MMP21: variants seen among roughly 807,000 people sequenced by gnomAD.
MMP21 encodes matrix metalloproteinase-21.
In MMP21, 40 loss-of-function variants were observed where a neutral mutation model predicts 47.8. The ratio of observed to expected loss-of-function variants is 0.84; its 90% CI spans 0.65 to 1.09. MMP21 has a LOEUF of 1.09. MMP21 is among the 50% of genes least tolerant of loss of function. The pLI is 0.00. For synonymous variants in MMP21, 341 were observed against 318.0 expected (o/e 1.07, Z -0.77); for missense variants, 747 against 775.3 (o/e 0.96, Z 0.43).
chr10:125,774,648 G>A (rs1486791590), intron 1 of MMP21, among the ~76,000 whole-genome samples: 2 of 152,196 alleles, frequency 1.3e-5, no homozygotes, highest in Admixed American at 6.5e-5. Flanking sequence ...GCCCTGGATG[G>A]GCACCAGGCT....
rs544512717 is a variant in MMP21 at position 125,766,483 on chromosome 10, G to C, written c.*179C>G. On this transcript the variant is annotated 3_prime_UTR_variant, in exon 7 of 7. Coordinates refer to ENST00000368808, the MANE Select transcript of MMP21 (RefSeq NM_147191.1). ...TTAAACCTTTTAGTTTATGAATTAT[G>C]TTTTGCCTGAGCAATTGTTTTTAAA... is the stretch of plus-strand genomic sequence containing the variant. 1.8e-6 allele frequency: 1 copy of C among 545,604 alleles called. No homozygotes were observed. The highest frequency in any genetic ancestry group is 3.7e-5 in the Admixed American group (1 of 26,854). 33.8% of individuals were successfully genotyped at this position (545,604 alleles called of 1,614,324 possible).
rs970463089 is a variant in MMP21, at chr10:125,772,682, C to T, written c.766G>A (p.Gly256Ser). Residue 256 changes from glycine to serine, a missense_variant, in exon 3 of 7, where the codon GGT (glycine) becomes AGT (serine). By Grantham distance (56) the Gly-to-Ser change is moderately conservative. Coordinates refer to ENST00000368808, the MANE Select transcript of MMP21 (RefSeq NM_147191.1). The surrounding 1 kb of genome is among the most constrained non-coding windows in gnomAD (Gnocchi z 5.6). ...TCGTCGTCGTCAAAGTGAATGTCACCTAGGCGCCAGGCGTGTGCAAACTCC... is the reference window on the plus strand; with the variant it reads ...TCGTCGTCGTCAAAGTGAATGTCACTTAGGCGCCAGGCGTGTGCAAACTCC... ...GQEFAHAWRL[G>S]DIHFDDDEHF... 5 of 1,614,086 alleles carry T rather than the reference C, an allele frequency of 3.1e-6. No homozygotes were observed. Among genetic ancestry groups the T allele is most frequent in the Non-Finnish European group, 2.5e-6 (3 of 1,180,036 alleles).
chr10:125,774,469 GAGAC>G, intron 1 of MMP21, 104 bp from the exon 2 acceptor site: 3 of 733,104 alleles, frequency 4.1e-6, no homozygotes, highest in Non-Finnish European at 5.7e-6. Flanking sequence ...GATAGAGACA[GAGAC>G]AGAGAGAAGC....
In MMP21 at chr10:125,766,615, A is replaced by G. The variant is rs28381327; in HGVS notation, c.*47T>C. On this transcript the variant is annotated 3_prime_UTR_variant, in exon 7 of 7. Coordinates refer to ENST00000368808, the MANE Select transcript of MMP21 (RefSeq NM_147191.1). ...TCCGGTTTTCTTTGTAAACAGTATC[A>G]GAATTTTAGCGAAGTCCTATGACCC... 6 of 1,470,620 alleles carry G rather than the reference A, an allele frequency of 4.1e-6. No homozygotes were observed. In the African/African-American group the frequency reaches 8.5e-5, roughly 21 times the overall value. The allele number at this position is 1,470,620 out of a possible 1,614,324, so 91.1% of individuals were successfully genotyped here.
chr10:125,770,789 G>A (rs546649904), intron 4 of MMP21, among the ~76,000 whole-genome samples, 198 bp from the exon 5 acceptor site: 1 of 151,610 alleles, frequency 6.6e-6, no homozygotes, highest in Admixed American at 6.6e-5. Context: ...GGGAGACCGA[G>A]ACAGGAGGAT....
In MMP21 at chr10:125,775,673, A is replaced by T; in HGVS notation, c.149T>A (p.Leu50His). 1 of 1,608,248 alleles carries T rather than the reference A, an allele frequency of 6.2e-7. No individual in the cohort carries two copies. The highest frequency in any genetic ancestry group is 8.5e-7 in the Non-Finnish European group (1 of 1,176,818). The change falls in exon 1 of 7, where the codon CTC becomes CAC. Residue 50 changes from leucine (L) to histidine (H), a missense_variant. Leu to His is a moderately conservative substitution (Grantham distance 99). Coordinates refer to ENST00000368808, the MANE Select transcript of MMP21 (RefSeq NM_147191.1). Reference sequence around the variant, plus strand: ...GCTTCCTCCTACCTGAGCAGCGTGGAGGTCGGCAATGGGCTTGGCCTGGCG... The same window carrying T: ...GCTTCCTCCTACCTGAGCAGCGTGGTGGTCGGCAATGGGCTTGGCCTGGCG... The part of the protein sequence containing the change: ...PLRQAKPIAD[L>H]HAAQRFLSRY...
In MMP21 at chr10:125,772,699, G is replaced by C. The variant is rs146859109; in HGVS notation, c.749C>G (p.Ala250Gly). 16 of 1,614,202 alleles carry C rather than the reference G, an allele frequency of 9.9e-6. No homozygotes were observed. The African/African-American group carries it at 2.0e-4, about 20-fold the overall frequency. The change falls in exon 3 of 7, where the codon GCA (alanine) becomes GGA (glycine). Residue 250 changes from alanine to glycine, a missense_variant. Transcript: ENST00000368808. The surrounding 1 kb of genome is among the most constrained non-coding windows in gnomAD (Gnocchi z 5.6). ...AATGTCACCTAGGCGCCAGGCGTGT[G>C]CAAACTCCTGCCCGCTCCCATCGAA... ...RAFDGSGQEFAHAWRLGDIHF... is the reference protein window; with the variant it reads ...RAFDGSGQEFGHAWRLGDIHF...
chr10:125,772,655 G>C lies in MMP21; in HGVS notation c.793C>G (p.His265Asp), dbSNP rs1850462875. 1 of 1,614,212 alleles carries C rather than the reference G, an allele frequency of 6.2e-7. No individual in the cohort carries two copies. Among genetic ancestry groups the C allele is most frequent in the Non-Finnish European group, 8.5e-7 (1 of 1,180,034 alleles). ...GTGTCACTGGTGGGAGGTGTGAAGT[G>C]CTCGTCGTCGTCAAAGTGAATGTCA... The part of the protein sequence containing the change: ...LGDIHFDDDE[H>D]FTPPTSDTGI... Residue 265 changes from histidine to aspartate, a missense_variant, in exon 3 of 7, where the codon CAC becomes GAC. Coordinates refer to ENST00000368808, the MANE Select transcript of MMP21 (RefSeq NM_147191.1). This position sits in a 1 kb window ranked among gnomAD's most constrained non-coding sequence, Gnocchi z 5.6.
At position 125,773,113 on chromosome 10, in the gene MMP21, TTG is replaced by T. The variant is rs570411673; in HGVS notation, c.698-365_698-364del. 2.7e-4 allele frequency among the ~76,000 whole-genome samples: 41 copies of T among 152,268 alleles called. No individual in the cohort carries two copies. The East Asian group carries it at 7.5e-3, about 28-fold the overall frequency. On this transcript the variant is annotated intron_variant, in intron 2 of 6. Transcript: ENST00000368808. The surrounding 1 kb of genome is among the most constrained non-coding windows in gnomAD (Gnocchi z 4.8). ...TATTGAAAGCTGGGTCCCTTAAAAT[TTG>T]TCTTTTTCAGCCAACCGTGTCCCTA... is the stretch of plus-strand genomic sequence containing the variant.
intron 1 of MMP21, among the ~76,000 whole-genome samples, chr10:125,774,744 G>A (rs899249256): frequency 2.6e-5 from 4 of 152,170 alleles, no homozygotes; most frequent in Non-Finnish European, 5.9e-5. Flanking sequence ...AGGTCGCGGG[G>A]GAGGAAGACG....
Position 125,774,258 on chromosome 10 carries a change from G to A in MMP21, c.270C>T (p.Arg90=), listed in dbSNP as rs1337009919. 1.4e-6 allele frequency: 2 copies of A among 1,420,950 alleles called. No individual in the cohort carries two copies. Among genetic ancestry groups the A allele is most frequent in the Non-Finnish European group, 1.8e-6 (2 of 1,092,562 alleles). The allele number at this position is 1,420,950 out of a possible 1,614,324, so 88.0% of individuals were successfully genotyped here. Residue 90 remains arginine, a synonymous_variant, in exon 2 of 7, where the codon CGC becomes CGT. Transcript: ENST00000368808. ...GCAGCGCGTTCGCCCGCTGGAACCT[G>A]CGCACCGCCTCGGCCAGGGCGGCGC... is the stretch of plus-strand genomic sequence containing the variant. The part of the protein sequence containing the change: ...PKGAALAEAV[R]RFQRANALPA...
At chr10:125,768,814 A>T (rs1589891855) in intron 5 of MMP21, among the ~76,000 whole-genome samples, 1 of 152,338 alleles carries the variant, frequency 6.6e-6, no homozygotes, top group Admixed American at 6.5e-5. Flanking sequence ...GACTTCTTAA[A>T]ACCCTGAAAG....
intron 6 of MMP21, among the ~76,000 whole-genome samples, chr10:125,767,262 G>A (rs1375480124): frequency 1.3e-5 from 2 of 152,120 alleles, no homozygotes; most frequent in Non-Finnish European, 2.9e-5. Flanking sequence ...AGCCTCCTAG[G>A]CAGCTGGGAA....
Position 125,772,159 on chromosome 10 carries a change from AGTGCTCTGGAATACAGT to A in MMP21, c.979+42_979+58del. On this transcript the variant is annotated intron_variant, in intron 4 of 6. Transcript: ENST00000368808. This position sits in a 1 kb window ranked among gnomAD's most constrained non-coding sequence, Gnocchi z 5.6. ...CAGTGAGGAGTGAGCGGGGTCCTAC[AGTGCTCTGGAATACAGT>A]GTCCTCCGCTAGCTCAGGGATGCCC... The A allele has an allele frequency of 6.3e-7, 1 of 1,596,926 alleles. No individual in the cohort carries two copies. The highest frequency in any genetic ancestry group is 8.6e-7 in the Non-Finnish European group (1 of 1,167,302).
At position 125,772,759 on chromosome 10, in the gene MMP21, G is replaced by T; in HGVS notation, c.698-9C>A. ...ACAGCCCAGGTGCCGGCCTGGCGAG[G>T]GGGAGGAGGAGTTGGTCCCGGTGAA... On this transcript the variant is annotated splice_polypyrimidine_tract_variant and intron_variant, in intron 2 of 6. Transcript: ENST00000368808. This position sits in a 1 kb window ranked among gnomAD's most constrained non-coding sequence, Gnocchi z 5.6. 1.2e-6 allele frequency: 2 copies of T among 1,611,124 alleles called. No individual in the cohort carries two copies. Among genetic ancestry groups the T allele is most frequent in the South Asian group, 1.1e-5 (1 of 91,008 alleles).
At chr10:125,769,969 G>A (rs1850427681) in intron 5 of MMP21, among the ~76,000 whole-genome samples, 1 of 152,034 alleles carries the variant, frequency 6.6e-6, no homozygotes, top group African/African-American at 2.4e-5. Flanking sequence ...GCAACATAGT[G>A]AGACCCCATC....
At chr10:125,770,732 G>A in intron 4 of MMP21, 141 bp from the exon 5 acceptor site, 1 of 909,668 alleles carries the variant, frequency 1.1e-6, no homozygotes, top group South Asian at 1.8e-5. Flanking sequence ...ATGTAAGGCT[G>A]AAGTGGGGCC....
chr10:125,769,285 C>T (rs1416184415), intron 5 of MMP21, among the ~76,000 whole-genome samples: 1 of 152,218 alleles, frequency 6.6e-6, no homozygotes, highest in Admixed American at 6.5e-5. Flanking sequence ...CAGGCTCCAT[C>T]ACATCAGTCT....
rs1850489294 is a variant in MMP21, at chr10:125,774,195, G to A, written c.333C>T (p.Ala111=). ...GGACCCCGCAGCGCGGCCGGTTCAT[G>A]GCCGCTAGGGTGGCCGCGTCCAGCT... is the stretch of plus-strand genomic sequence containing the variant. ...SGELDAATLA[A]MNRPRCGVPD... The change falls in exon 2 of 7, where the codon GCC becomes GCT. Residue 111 remains alanine, a synonymous_variant. Transcript: ENST00000368808. 7.6e-7 allele frequency: 1 copy of A among 1,310,418 alleles called. No individual in the cohort carries two copies. The highest frequency in any genetic ancestry group is 9.7e-7 in the Non-Finnish European group (1 of 1,034,600). 81.2% of individuals were successfully genotyped at this position (1,310,418 alleles called of 1,614,324 possible). A position where few individuals can be genotyped will look rare whatever the true frequency, so the allele number is the denominator to read the frequency against.
Sources: gnomAD v4.1 joint callset for allele counts (sites outside exome capture counted in the v4.1 genomes callset) on GRCh38, gnomAD v4.1.1 for gene constraint, Gnocchi (gnomAD v3.1) non-coding constraint, MANE v1.5 for transcripts, NCBI Gene and HGNC (gene_info 2026-07-23, HGNC 2026-07-21) for gene names.